The following PNN variants were observed in gnomAD, a reference collection of about 807,000 sequenced individuals.
PNN encodes the protein pinin, desmosome associated protein.
PNN carries 38 observed loss-of-function variants against 76.6 expected under a neutral mutation model. That is an observed-to-expected ratio of 0.50 (90% CI 0.38 to 0.65). PNN has a LOEUF of 0.65. PNN is among the 30% of genes least tolerant of loss of function. The pLI is 0.00. For missense variants in PNN, 873 were observed against 874.1 expected, an observed-to-expected ratio of 1.00 and a Z score of 0.02; for synonymous variants, 366 against 283.7, an observed-to-expected ratio of 1.29 and a Z score of -2.91.
Position 39,181,123 on chromosome 14 carries a change from C to T in PNN, c.1414C>T (p.Pro472Ser). ...EEKESEPQPEPVAQPQPQSQP... is the reference protein window; with the variant it reads ...EEKESEPQPESVAQPQPQSQP... ...AAAAGAATCTGAGCCCCAACCTGAG[C>T]CTGTGGCTCAACCTCAGCCTCAGTC... Residue 472 changes from proline (P) to serine (S), a missense_variant, in exon 9 of 9, where the codon CCT (proline) becomes TCT (serine). Physicochemically the swap from Pro to Ser is moderately conservative, Grantham distance 74. Around this residue, in one of 3 missense-constraint regions of PNN, gnomAD observed 712 missense variants for 693.1 expected, o/e 1.03. Coordinates refer to ENST00000216832, the MANE Select transcript of PNN (RefSeq NM_002687.4). 1.2e-6 allele frequency: 2 copies of T among 1,610,574 alleles called. No homozygotes were observed. Among genetic ancestry groups the T allele is most frequent in the Non-Finnish European group, 1.7e-6 (2 of 1,176,840 alleles).
chr14:39,179,588 T>A (rs1011270155), intron 8 of PNN, 126 bp downstream of exon 8: 106 of 766,734 alleles, frequency 1.4e-4, no homozygotes, highest in African/African-American at 6.5e-4. Context: ...TTTTTTTTTT[T>A]AAATAAGATA....
chr14:39,180,561 G>T lies in PNN; in HGVS notation c.852G>T (p.Arg284Ser). ...AACAAATAAATAAAATGGAGGCTAG[G>T]CCTAGAAGACAATCAATGAAGGAAA... is the stretch of plus-strand genomic sequence containing the variant. The part of the protein sequence containing the change: ...FAEQINKMEA[R>S]PRRQSMKEKE... The change falls in exon 9 of 9, where the codon AGG (arginine) becomes AGT (serine). Residue 284 changes from arginine to serine, a missense_variant. By Grantham distance (110) the Arg-to-Ser change is moderately radical (BLOSUM62 -1). Around this residue, in one of 3 missense-constraint regions of PNN, gnomAD observed 712 missense variants for 693.1 expected, o/e 1.03. Transcript: ENST00000216832. 1.2e-6 allele frequency: 2 copies of T among 1,613,582 alleles called. No individual in the cohort carries two copies. The highest frequency in any genetic ancestry group is 1.7e-6 in the Non-Finnish European group (2 of 1,179,878).
chr14:39,181,840 G>C lies in PNN; in HGVS notation c.2131G>C (p.Asp711His). Residue 711 changes from aspartate to histidine, a missense_variant, in exon 9 of 9, where the codon GAC becomes CAC. Around this residue, in one of 3 missense-constraint regions of PNN, gnomAD observed 712 missense variants for 693.1 expected, o/e 1.03. Coordinates refer to ENST00000216832, the MANE Select transcript of PNN (RefSeq NM_002687.4). ...AAGAAGTGAAAGAGACCGAAAATCAGACAGGAAAGACAAAAGGCGTTAATG... is the reference window on the plus strand; with the variant it reads ...AAGAAGTGAAAGAGACCGAAAATCACACAGGAAAGACAAAAGGCGTTAATG... ...SSRSERDRKS[D>H]RKDKRR The C allele has an allele frequency of 6.3e-7, 1 of 1,593,482 alleles. No homozygotes were observed. The highest frequency in any genetic ancestry group is 8.5e-7 in the Non-Finnish European group (1 of 1,174,138).
At chr14:39,176,170 T>G in intron 2 of PNN, 21 bp downstream of exon 2, 1 of 1,383,796 alleles carries the variant, frequency 7.2e-7, no homozygotes, top group South Asian at 1.2e-5. Context: ...CTTTGGACTT[T>G]ACTCATGCTG....
intron 5 of PNN, 74 bp downstream of exon 5, chr14:39,177,761 C>T: frequency 7.0e-7 from 1 of 1,437,690 alleles, no homozygotes; most frequent in Non-Finnish European, 9.8e-7. Context: ...GTTCAAGCAT[C>T]CTGTAGTATT....
At position 39,176,146 on chromosome 14, in the gene PNN, T is replaced by C; in HGVS notation, c.182T>C (p.Leu61Pro). The change falls in exon 2 of 9, where the codon CTG (leucine) becomes CCG (proline). Residue 61 changes from leucine to proline, a missense_variant. By Grantham distance (98) the Leu-to-Pro change is moderately conservative. Around this residue, in one of 3 missense-constraint regions of PNN, gnomAD observed 156 missense variants for 161.7 expected, o/e 0.96. Transcript: ENST00000216832. ...GGGRGRGSLLLRRGFSDSGGG... is the reference protein window; with the variant it reads ...GGGRGRGSLLPRRGFSDSGGG... ...GGTAGAGGACGTGGTAGTTTATTAC[T>C]GAGGTAAGATTTCCTTTGGACTTTA... 7 of 1,578,566 alleles carry C rather than the reference T, an allele frequency of 4.4e-6. No individual in the cohort carries two copies. Among genetic ancestry groups the C allele is most frequent in the Non-Finnish European group, 6.1e-6 (7 of 1,147,628 alleles).
rs1214622388 is a variant in PNN at position 39,182,583 on chromosome 14, T to G, written c.*720T>G. On this transcript the variant is annotated 3_prime_UTR_variant, in exon 9 of 9. Transcript: ENST00000216832. The stretch of plus-strand genomic sequence containing the variant: ...CCTGATGATGGGAGCGTCATTCTTT[T>G]GTCTTCATGGTTACTTGTGTGATAT... The G allele has an allele frequency of 3.9e-5, 6 of 152,532 alleles. No individual in the cohort carries two copies. The highest frequency in any genetic ancestry group is 7.3e-5 in the Non-Finnish European group (5 of 68,046). The allele number at this position is 152,532 out of a possible 1,614,324, so 9.4% of individuals were successfully genotyped here.
In PNN at chr14:39,180,707, A is replaced by G. The variant is rs779193743; in HGVS notation, c.998A>G (p.Glu333Gly). The G allele has an allele frequency of 4.9e-5, 79 of 1,602,488 alleles. 2 individuals are homozygous for G. In the South Asian group the frequency reaches 8.3e-4, roughly 17 times the overall value. ...GNQHNDVEIE[E>G]AGEEEEKEIA... ...CAGCACAATGATGTAGAAATAGAGG[A>G]AGCAGGAGAGGAAGAGGAAAAGGAA... Residue 333 changes from glutamate to glycine, a missense_variant, in exon 9 of 9, where the codon GAA (glutamate) becomes GGA (glycine). Physicochemically the swap from Glu to Gly is moderately conservative, Grantham distance 98. Transcript: ENST00000216832.
At chr14:39,175,645 A>G in intron 1 of PNN, 3 of 524,474 alleles carry the variant, frequency 5.7e-6, no homozygotes, top group East Asian at 3.6e-5. Flanking sequence ...GGCCTGTGAG[A>G]AGACCCGGAC....
chr14:39,176,622 G>T, intron 3 of PNN, 27 bp downstream of exon 3: 1 of 1,377,278 alleles, frequency 7.3e-7, no homozygotes, highest in Non-Finnish European at 1.0e-6. Context: ...ATTCCTGAAG[G>T]CTTCTTTAGT....
In PNN at chr14:39,181,767, CAG is replaced by C; in HGVS notation, c.2060_2061del (p.Arg687LysfsTer8). On this transcript the variant is annotated frameshift_variant, in exon 9 of 9. Coordinates refer to ENST00000216832, the MANE Select transcript of PNN (RefSeq NM_002687.4). LOFTEE classifies it high-confidence loss of function. ...CAAAGGATAAGAATTCCCGGTCCGACAGAAAGAGGTCTATATCAGAGAGTAGT... is the reference window on the plus strand; with the variant it reads ...CAAAGGATAAGAATTCCCGGTCCGACAAAGAGGTCTATATCAGAGAGTAGT... Reference protein sequence around the residue: ...GSKDKNSRSDRKRSISESSRS... With the variant: ...GSKDKNSRSDXKRSISESSRS... The C allele has an allele frequency of 6.2e-7, 1 of 1,614,042 alleles. No individual in the cohort carries two copies. The highest frequency in any genetic ancestry group is 8.5e-7 in the Non-Finnish European group (1 of 1,179,968).
chr14:39,181,063 T>C lies in PNN; in HGVS notation c.1354T>C (p.Leu452=). ...LSPGKENVSA[L]DMEKESEEKE... is the part of the protein sequence containing the mutation. ...TCCTGGGAAAGAGAATGTCAGTGCT[T>C]TAGACATGGAAAAGGAGTCTGAGGA... The change falls in exon 9 of 9, where the codon TTA becomes CTA. Residue 452 remains leucine, a synonymous_variant. Coordinates refer to ENST00000216832, the MANE Select transcript of PNN (RefSeq NM_002687.4). 6.2e-7 allele frequency: 1 copy of C among 1,613,830 alleles called. No individual in the cohort carries two copies. The highest frequency in any genetic ancestry group is 1.1e-5 in the South Asian group (1 of 91,046).
chr14:39,175,611 C>T (rs562078959), intron 1 of PNN, among the ~76,000 whole-genome samples: 3 of 152,330 alleles, frequency 2.0e-5, no homozygotes, highest in Non-Finnish European at 4.4e-5. Context: ...AGAGCGAGGC[C>T]TGGGTGCGCC....
chr14:39,178,274 A>G (rs2053244051), intron 6 of PNN, among the ~76,000 whole-genome samples: 1 of 152,188 alleles, frequency 6.6e-6, no homozygotes, highest in South Asian at 2.1e-4. Flanking sequence ...CATGCCTGTA[A>G]TCCCAGCACT....
chr14:39,181,647 C>G lies in PNN; in HGVS notation c.1938C>G (p.His646Gln). ...GGGGACATAATAGAGATAGAAAGCA[C>G]AGAAGGAGCGTGGATCGGAAGAGAA... ...RGRGHNRDRK[H>Q]RRSVDRKRRD... Residue 646 changes from histidine to glutamine, a missense_variant, in exon 9 of 9, where the codon CAC becomes CAG. His to Gln is a conservative substitution (Grantham distance 24). Transcript: ENST00000216832. The G allele has an allele frequency of 1.2e-6, 2 of 1,614,052 alleles. No individual in the cohort carries two copies. Among genetic ancestry groups the G allele is most frequent in the Non-Finnish European group, 1.7e-6 (2 of 1,179,994 alleles).
rs34377372 is a variant in PNN at position 39,181,234 on chromosome 14, G to C, written c.1525G>C (p.Val509Leu). The C allele has an allele frequency of 5.1e-4, 819 of 1,614,072 alleles. 5 individuals carry two copies. The African/African-American group carries it at 7.9e-3, about 16-fold the overall frequency. The change falls in exon 9 of 9, where the codon GTT (valine) becomes CTT (leucine). Residue 509 changes from valine (V) to leucine (L), a missense_variant. By Grantham distance (32) the Val-to-Leu change is conservative. Around this residue, in one of 3 missense-constraint regions of PNN, gnomAD observed 712 missense variants for 693.1 expected, o/e 1.03. Transcript: ENST00000216832. Reference sequence around the variant, plus strand: ...TCAGCCTGAGGATTTGTCATTAGCTGTTTTACAGCCAACACCCCAAGTTAC... The same window carrying C: ...TCAGCCTGAGGATTTGTCATTAGCTCTTTTACAGCCAACACCCCAAGTTAC... ...PSQPEDLSLA[V>L]LQPTPQVTQE...
rs1368336966 is a variant in PNN, at chr14:39,178,575, T to C, written c.499-516T>C. Among the ~76,000 whole-genome samples, 3 of 151,960 alleles carry C rather than the reference T, an allele frequency of 2.0e-5. No homozygotes were observed. The East Asian group carries it at 5.8e-4, about 29-fold the overall frequency. On this transcript the variant is annotated intron_variant, in intron 6 of 8. Coordinates refer to ENST00000216832, the MANE Select transcript of PNN (RefSeq NM_002687.4). Reference sequence around the variant, plus strand: ...AAGCATATGCAGATACCTTTTTTTTTTCTTTTTCTTTTTTTTTGTAGAGAT... The same window carrying C: ...AAGCATATGCAGATACCTTTTTTTTCTCTTTTTCTTTTTTTTTGTAGAGAT...
Position 39,175,274 on chromosome 14 carries a change from GAGA to G in PNN, c.-2_1del. The G allele has an allele frequency of 6.3e-7, 1 of 1,574,908 alleles. No homozygotes were observed. The highest frequency in any genetic ancestry group is 8.7e-7 in the Non-Finnish European group (1 of 1,148,500). On this transcript the variant is annotated 5_prime_UTR_variant, in exon 1 of 9. Transcript: ENST00000216832. ...AAAGCAGTCTCAAGCCTGCCGCAGG[GAGA>G]AGATGGCGGTCGCCGTGAGAACTTT...
Position 39,180,483 on chromosome 14 carries a change from T to C in PNN, c.794-20T>C, listed in dbSNP as rs773496255. ...TTTCTTAATCGGTAAATTTTACACA[T>C]GTAAATTTTTATTCTTTAGCTTTAT... is the stretch of plus-strand genomic sequence containing the variant. On this transcript the variant is annotated intron_variant, in intron 8 of 8. Coordinates refer to ENST00000216832, the MANE Select transcript of PNN (RefSeq NM_002687.4). 2.0e-6 allele frequency: 3 copies of C among 1,523,568 alleles called. No homozygotes were observed. Among genetic ancestry groups the C allele is most frequent in the Admixed American group, 2.3e-5 (1 of 43,176 alleles). The allele number at this position is 1,523,568 out of a possible 1,614,324, so 94.4% of individuals were successfully genotyped here. A position where few individuals can be genotyped will look rare whatever the true frequency, so the allele number is the denominator to read the frequency against.
Sources: allele counts gnomAD v4.1 joint callset (sites outside exome capture counted in the v4.1 genomes callset), GRCh38; gene constraint gnomAD v4.1.1; regional missense constraint gnomAD v4.1.1; transcripts MANE v1.5; gene names NCBI Gene and HGNC (gene_info 2026-07-23, HGNC 2026-07-21).